The following EPB41L4B variants were observed in gnomAD, a reference collection of about 807,000 sequenced individuals.
The protein encoded by EPB41L4B is erythrocyte membrane protein band 4.1 like 4B.
Under a neutral mutation model 112.5 loss-of-function variants are expected in EPB41L4B, and 30 were observed. The observed-to-expected ratio is 0.27, with a 90% CI of 0.20 to 0.36. The LOEUF is 0.36. Ranked by LOEUF, EPB41L4B falls within the 10% of genes least tolerant of loss-of-function variation. The pLI, the probability that EPB41L4B is intolerant of heterozygous loss-of-function variation, is 1.00. For missense variants in EPB41L4B, 1,024 were observed against 1,133.3 expected, an observed-to-expected ratio of 0.90 and a Z score of 1.38; for synonymous variants, 408 against 439.7, an observed-to-expected ratio of 0.93 and a Z score of 0.90.
At chr9:109,195,627 C>T (rs1262399526) in intron 20 of EPB41L4B, among the ~76,000 whole-genome samples, 1 of 152,216 alleles carries the variant, frequency 6.6e-6, no homozygotes, top group Non-Finnish European at 1.5e-5. Flanking sequence ...TGATATTTAG[C>T]AGCTGATTGT....
intron 1 of EPB41L4B, among the ~76,000 whole-genome samples, chr9:109,292,192 C>T (rs1238307394): frequency 1.3e-5 from 2 of 152,182 alleles, no homozygotes; most frequent in African/African-American, 2.4e-5. Flanking sequence ...CAATAGTGTA[C>T]GAATGGGTTT....
chr9:109,239,423 C>A (rs531448073), intron 15 of EPB41L4B, among the ~76,000 whole-genome samples: 15 of 152,148 alleles, frequency 9.9e-5, no homozygotes, highest in Non-Finnish European at 2.1e-4. Context: ...CAAAAGTTCA[C>A]AGGACAGTCT....
chr9:109,221,970 G>C (rs1833589036), intron 15 of EPB41L4B, among the ~76,000 whole-genome samples: 1 of 152,204 alleles, frequency 6.6e-6, no homozygotes, highest in Admixed American at 6.5e-5. Context: ...GGGGGAAAGA[G>C]TGCTGTGATT....
intron 1 of EPB41L4B, among the ~76,000 whole-genome samples, chr9:109,290,033 C>T (rs767329250): frequency 6.2e-4 from 94 of 152,286 alleles, no homozygotes; most frequent in Admixed American, 4.9e-3. Flanking sequence ...TTCGACAGTA[C>T]CTAACGGCAC....
intron 1 of EPB41L4B, among the ~76,000 whole-genome samples, chr9:109,317,313 T>C (rs1837670844): frequency 6.6e-6 from 1 of 152,216 alleles, no homozygotes; most frequent in Non-Finnish European, 1.5e-5. Flanking sequence ...GTCCTTCCGA[T>C]TCCCCCATCC....
chr9:109,256,948 TCAA>T (rs529918545), intron 7 of EPB41L4B, among the ~76,000 whole-genome samples: 4 of 152,094 alleles, frequency 2.6e-5, no homozygotes, highest in East Asian at 1.9e-4. Flanking sequence ...AAACTCCATC[TCAA>T]CAACAACAAC....
chr9:109,282,474 T>G (rs1477275123), intron 1 of EPB41L4B, among the ~76,000 whole-genome samples: 3 of 152,164 alleles, frequency 2.0e-5, no homozygotes, highest in Non-Finnish European at 4.4e-5. Context: ...AACAAATAAA[T>G]GAAGAAATAA....
chr9:109,204,123 G>A (rs892132501), intron 18 of EPB41L4B, among the ~76,000 whole-genome samples: 27 of 152,158 alleles, frequency 1.8e-4, no homozygotes, highest in African/African-American at 6.3e-4. Flanking sequence ...GTTTACAAAG[G>A]AATTTGGAAT....
At chr9:109,296,815 G>C (rs1304778173) in intron 1 of EPB41L4B, among the ~76,000 whole-genome samples, 1 of 151,304 alleles carries the variant, frequency 6.6e-6, no homozygotes, top group Admixed American at 6.6e-5. Flanking sequence ...TTTGAGCCCA[G>C]GAGTTTGAGG....
intron 5 of EPB41L4B, among the ~76,000 whole-genome samples, chr9:109,263,423 C>T (rs1835287767): frequency 6.6e-6 from 1 of 152,210 alleles, no homozygotes; most frequent in Non-Finnish European, 1.5e-5. Context: ...TATTTTTAAA[C>T]ATATTTTAAA....
At chr9:109,199,930 A>G (rs1832765402) in intron 20 of EPB41L4B, among the ~76,000 whole-genome samples, 1 of 152,258 alleles carries the variant, frequency 6.6e-6, no homozygotes, top group South Asian at 2.1e-4. Flanking sequence ...AGCCCCGGAT[A>G]CAGAAGACCC....
rs771048104 is a variant in EPB41L4B, at chr9:109,192,361, G to C, written c.2224-6C>G. ...CCTCCTCGGTCAGAGGGGCTCTAGG[G>C]AGACAGACAAACACCCCTGGTTAGA... On this transcript the variant is annotated splice_polypyrimidine_tract_variant and splice_region_variant and intron_variant, in intron 21 of 25. Coordinates refer to ENST00000374566, the MANE Select transcript of EPB41L4B (RefSeq NM_019114.5). The C allele has an allele frequency of 1.3e-5, 20 of 1,598,590 alleles. No homozygotes were observed. The highest frequency in any genetic ancestry group is 1.8e-5 in the Admixed American group (1 of 55,632).
At chr9:109,290,746 T>C (rs1836494422) in intron 1 of EPB41L4B, among the ~76,000 whole-genome samples, 1 of 145,790 alleles carries the variant, frequency 6.9e-6, no homozygotes, top group African/African-American at 2.5e-5. Flanking sequence ...CACACATACA[T>C]ATATATACCT....
At position 109,203,670 on chromosome 9, in the gene EPB41L4B, T is replaced by C. The variant is rs758615247; in HGVS notation, c.1939A>G (p.Ser647Gly). 43 of 1,612,802 alleles carry C rather than the reference T, an allele frequency of 2.7e-5. No individual in the cohort carries two copies. The Admixed American group carries it at 6.7e-4, about 25-fold the overall frequency. The change falls in exon 19 of 26, where the codon AGT (serine) becomes GGT (glycine). Residue 647 changes from serine to glycine, a missense_variant. Physicochemically the swap from Ser to Gly is moderately conservative, Grantham distance 56. Transcript: ENST00000374566. The stretch of plus-strand genomic sequence containing the variant: ...AGACAAGGAGCAACAGACCTTACAC[T>C]AGCGTCCTGAAGACTGGATTTCTTA... ...INKKSSLQDA[S>G]VRSPIPIRVE... is the part of the protein sequence containing the mutation.
chr9:109,234,859 AAAAC>A (rs944475081), intron 15 of EPB41L4B, among the ~76,000 whole-genome samples: 5 of 152,240 alleles, frequency 3.3e-5, no homozygotes, highest in East Asian at 3.8e-4. Context: ...CCGTGTCTCA[AAAAC>A]AAACAAACAA....
chr9:109,178,571 G>A (rs1831931955), intron 24 of EPB41L4B, among the ~76,000 whole-genome samples: 1 of 151,948 alleles, frequency 6.6e-6, no homozygotes, highest in Non-Finnish European at 1.5e-5. Flanking sequence ...TAAGTGTTAA[G>A]AACAGTATTC....
intron 1 of EPB41L4B, among the ~76,000 whole-genome samples, chr9:109,314,113 C>G (rs1837534023): frequency 6.6e-6 from 1 of 152,180 alleles, no homozygotes; most frequent in African/African-American, 2.4e-5. Context: ...CAGGTGGAAA[C>G]TGGAGTGCAG....
intron 1 of EPB41L4B, among the ~76,000 whole-genome samples, chr9:109,298,712 T>C: frequency 6.6e-6 from 1 of 152,180 alleles, no homozygotes. Context: ...AGGAAATTAT[T>C]TACAGAACCA....
At chr9:109,267,618 A>T in intron 3 of EPB41L4B, 67 bp from the exon 4 acceptor site, 1 of 1,039,998 alleles carries the variant, frequency 9.6e-7, no homozygotes, top group Non-Finnish European at 1.5e-6. Flanking sequence ...AGGATGGACA[A>T]AAGGGAAAGC....
Sources: gnomAD v4.1 joint callset for allele counts (sites outside exome capture counted in the v4.1 genomes callset) on GRCh38, gnomAD v4.1.1 for gene constraint, MANE v1.5 for transcripts, NCBI Gene and HGNC (gene_info 2026-07-23, HGNC 2026-07-21) for gene names.